The following SLC45A2 variants were observed in gnomAD, a reference collection of about 807,000 sequenced individuals.
The protein encoded by SLC45A2 is membrane-associated transporter protein.
A neutral mutation model predicts 45.5 loss-of-function variants in SLC45A2; 36 were observed. That is an observed-to-expected ratio of 0.79 (90% confidence interval 0.61 to 1.04). SLC45A2 has a LOEUF of 1.04. Among genes scored for constraint, SLC45A2 ranks in the 50% least tolerant of loss-of-function variants. SLC45A2 has a pLI of 0.00. For synonymous variants in SLC45A2, 306 were observed against 269.3 expected, an observed-to-expected ratio of 1.14 and a Z score of -1.33; for missense variants, 719 against 671.0, an observed-to-expected ratio of 1.07 and a Z score of -0.79.
chr5:33,951,356 G>A (rs764267457), intron 5 of SLC45A2, 198 bp downstream of exon 5: 107 of 1,416,174 alleles, frequency 7.6e-5, no homozygotes, highest in Non-Finnish European at 9.1e-5. Flanking sequence ...AATCAGTGAG[G>A]AAATGACACC....
At chr5:33,946,312 C>G in intron 6 of SLC45A2, 1 of 985,446 alleles carries the variant, frequency 1.0e-6, no homozygotes, top group Non-Finnish European at 1.2e-6. Flanking sequence ...GCCCTGCTGC[C>G]AGATCAAATG....
chr5:33,975,417 T>A (rs187102937), intron 2 of SLC45A2, among the ~76,000 whole-genome samples: 3 of 152,260 alleles, frequency 2.0e-5, no homozygotes, highest in African/African-American at 7.2e-5. Context: ...GAGGGGTAGA[T>A]AAATACCTTG....
intron 2 of SLC45A2, among the ~76,000 whole-genome samples, chr5:33,977,468 AC>A (rs1752962136): frequency 6.6e-6 from 1 of 152,202 alleles, no homozygotes; most frequent in Non-Finnish European, 1.5e-5. Context: ...CTAGTCCCCG[AC>A]CAAGTTAGAA....
Position 33,982,314 on chromosome 5 carries a change from G to A in SLC45A2, c.484C>T (p.Pro162Ser). 6.2e-7 allele frequency: 1 copy of A among 1,614,096 alleles called. No homozygotes were observed. The highest frequency in any genetic ancestry group is 2.2e-5 in the East Asian group (1 of 44,878). Residue 162 changes from proline to serine, a missense_variant, in exon 2 of 7, where the codon CCC becomes TCC. Physicochemically the swap from Pro to Ser is moderately conservative, Grantham distance 74. Transcript: ENST00000296589. ...ACATCAAATAAGTAGGCTTTGATGG[G>A]CCCATCAATGAAGTCGGCAGCAAAA... ...FDFAADFIDG[P>S]IKAYLFDVCS...
At chr5:33,945,641 C>G in intron 6 of SLC45A2, among the ~76,000 whole-genome samples, 1 of 151,912 alleles carries the variant, frequency 6.6e-6, no homozygotes, top group East Asian at 1.9e-4. Context: ...TACTAGCTAT[C>G]ACATTTTGAG....
intron 5 of SLC45A2, among the ~76,000 whole-genome samples, chr5:33,949,854 A>C (rs1187863804): frequency 6.6e-6 from 1 of 151,492 alleles, no homozygotes; most frequent in African/African-American, 2.4e-5. Flanking sequence ...GAGTTCCCTG[A>C]GGAAAAATAA....
intron 3 of SLC45A2, 140 bp from the exon 4 acceptor site, chr5:33,954,644 G>T (rs1227091025): frequency 5.7e-6 from 7 of 1,223,600 alleles, no homozygotes; most frequent in Non-Finnish European, 8.1e-6. Context: ...ATGGAACTAG[G>T]TTTCCATGGA....
In SLC45A2 at chr5:33,982,327, G is replaced by T; in HGVS notation, c.471C>A (p.Asp157Glu). The T allele has an allele frequency of 6.2e-7, 1 of 1,614,182 alleles. No homozygotes were observed. Among genetic ancestry groups the T allele is most frequent in the African/African-American group, 1.3e-5 (1 of 75,026 alleles). Residue 157 changes from aspartate to glutamate, a missense_variant, in exon 2 of 7, where the codon GAC (aspartate) becomes GAA (glutamate). Asp to Glu is a conservative substitution (Grantham distance 45). Transcript: ENST00000296589. The part of the protein sequence containing the change: ...IGVVLFDFAA[D>E]FIDGPIKAYL... Reference sequence around the variant, plus strand: ...AGGCTTTGATGGGCCCATCAATGAAGTCGGCAGCAAAATCAAAGAGAACGA... The same window carrying T: ...AGGCTTTGATGGGCCCATCAATGAATTCGGCAGCAAAATCAAAGAGAACGA...
At chr5:33,945,554 C>T (rs1226126469) in intron 6 of SLC45A2, among the ~76,000 whole-genome samples, 1 of 150,802 alleles carries the variant, frequency 6.6e-6, no homozygotes, top group Non-Finnish European at 1.5e-5. Flanking sequence ...TTTTTTTTTA[C>T]CTGTTACTGT....
chr5:33,952,800 G>A (rs967062094), intron 4 of SLC45A2, among the ~76,000 whole-genome samples: 2 of 133,848 alleles, frequency 1.5e-5, no homozygotes, highest in African/African-American at 5.7e-5. Context: ...CCACTAACAT[G>A]TCATCTAGCA....
chr5:33,956,003 G>T (rs531005492), intron 3 of SLC45A2, among the ~76,000 whole-genome samples: 2 of 148,674 alleles, frequency 1.3e-5, no homozygotes, highest in East Asian at 3.9e-4. Context: ...CTCATTTTAG[G>T]AAGGAACCAG....
chr5:33,948,619 T>C (rs1009320552), intron 5 of SLC45A2, among the ~76,000 whole-genome samples: 1 of 152,220 alleles, frequency 6.6e-6, no homozygotes, highest in Non-Finnish European at 1.5e-5. Flanking sequence ...GTAGGCAACA[T>C]TGCTTCCTCT....
At chr5:33,946,976 A>AGCAGG (rs1554054004) in intron 6 of SLC45A2, 187 bp downstream of exon 6, 1 of 1,536,200 alleles carries the variant, frequency 6.5e-7, no homozygotes, top group Non-Finnish European at 8.7e-7. Context: ...AGGACAGGAC[A>AGCAGG]GCTGGGCTGG....
At chr5:33,970,113 C>T (rs1404344278) in intron 2 of SLC45A2, among the ~76,000 whole-genome samples, 1 of 152,214 alleles carries the variant, frequency 6.6e-6, no homozygotes, top group African/African-American at 2.4e-5. Flanking sequence ...AGTTAGACAG[C>T]CCCTGTGAGC....
intron 2 of SLC45A2, among the ~76,000 whole-genome samples, chr5:33,964,868 C>T (rs1752559888): frequency 6.6e-6 from 1 of 152,110 alleles, no homozygotes; most frequent in South Asian, 2.1e-4. Context: ...TACTCAGCAC[C>T]AAAGTAGTAA....
chr5:33,971,581 G>A (rs1488017067), intron 2 of SLC45A2, among the ~76,000 whole-genome samples: 1 of 152,060 alleles, frequency 6.6e-6, no homozygotes, highest in East Asian at 1.9e-4. Flanking sequence ...TCAGACCACA[G>A]GTGTGCACCA....
In SLC45A2 at chr5:33,964,105, T is replaced by G. The variant is rs183671; in HGVS notation, c.563-89A>C. On this transcript the variant is annotated intron_variant, in intron 2 of 6. Coordinates refer to ENST00000296589, the MANE Select transcript of SLC45A2 (RefSeq NM_016180.5). ...AGACACTCCCCTTCAGTGGGAAAAC[T>G]CCCTGAAGACAGCAGAGGCAACCTG... 0.84 allele frequency: 1,144,225 copies of G among 1,360,762 alleles called. 532,572 individuals carry two copies. Among genetic ancestry groups the G allele is most frequent in the Non-Finnish European group, 0.97 (946,179 of 972,980 alleles). The allele number at this position is 1,360,762 out of a possible 1,614,324, so 84.3% of individuals were successfully genotyped here. A position where few individuals can be genotyped will look rare whatever the true frequency, so the allele number is the denominator to read the frequency against.
At position 33,984,627 on chromosome 5, in the gene SLC45A2, C is replaced by A. The variant is rs1329753911; in HGVS notation, c.-44G>T. ...CTTCCTGCGAGCCCACCACCTCCTG[C>A]GTGGTCCTAGGGTCTGTGTTTCAAA... On this transcript the variant is annotated 5_prime_UTR_variant, in exon 1 of 7. Transcript: ENST00000296589. 4 of 1,601,902 alleles carry A rather than the reference C, an allele frequency of 2.5e-6. No individual in the cohort carries two copies. Among genetic ancestry groups the A allele is most frequent in the Non-Finnish European group, 3.4e-6 (4 of 1,179,538 alleles).
In SLC45A2 at chr5:33,951,606, C is replaced by G; in HGVS notation, c.1104G>C (p.Glu368Asp). The change falls in exon 5 of 7, where the codon GAG becomes GAC. Residue 368 changes from glutamate to aspartate, a missense_variant. Coordinates refer to ENST00000296589, the MANE Select transcript of SLC45A2 (RefSeq NM_016180.5). Reference protein sequence around the residue: ...TEFLIYERGVEVGCWGLCINS... With the variant: ...TEFLIYERGVDVGCWGLCINS... ...TGATGCACAAGCCCCAACATCCAAC[C>G]TCGACTCCTCTTTCGTAGATGAGAA... 7 of 1,614,174 alleles carry G rather than the reference C, an allele frequency of 4.3e-6. No individual in the cohort carries two copies. The highest frequency in any genetic ancestry group is 5.9e-6 in the Non-Finnish European group (7 of 1,180,014).
Sources: allele counts gnomAD v4.1 joint callset (sites outside exome capture counted in the v4.1 genomes callset), GRCh38; gene constraint gnomAD v4.1.1; transcripts MANE v1.5; gene names NCBI Gene and HGNC (gene_info 2026-07-23, HGNC 2026-07-21).